TMOD1: variants seen among roughly 807,000 people sequenced by gnomAD.
TMOD1 encodes tropomodulin 1.
In TMOD1, 17 loss-of-function variants were observed where a neutral mutation model predicts 40.6. The ratio of observed to expected loss-of-function variants is 0.42; its 90% CI spans 0.29 to 0.63. The LOEUF (loss-of-function observed/expected upper bound fraction) is 0.63, where lower values mean the gene tolerates loss of function less well. Among genes scored for constraint, TMOD1 ranks in the 20% least tolerant of loss-of-function variants. TMOD1 has a pLI of 0.22. For synonymous variants in TMOD1, 181 were observed against 175.0 expected, an observed-to-expected ratio of 1.03 and a Z score of -0.27; for missense variants, 391 against 447.6, an observed-to-expected ratio of 0.87 and a Z score of 1.14.
intron 1 of TMOD1, among the ~76,000 whole-genome samples, chr9:97,520,855 T>C (rs1265070627): frequency 6.6e-6 from 1 of 152,166 alleles, no homozygotes; most frequent in Non-Finnish European, 1.5e-5. Context: ...AGTTGCCACC[T>C]CCTTTCCTTT....
intron 3 of TMOD1, among the ~76,000 whole-genome samples, chr9:97,547,091 G>A (rs189127869): frequency 9.2e-5 from 14 of 151,776 alleles, no homozygotes; most frequent in South Asian, 2.1e-4. Context: ...CCCTTCCTTC[G>A]TCTGTCCCAT....
chr9:97,546,612 T>C (rs1465290107), intron 3 of TMOD1, among the ~76,000 whole-genome samples: 1 of 152,212 alleles, frequency 6.6e-6, no homozygotes, highest in Non-Finnish European at 1.5e-5. Flanking sequence ...TAGGATGTCC[T>C]GATTATTTTT....
chr9:97,601,105 A>C lies in TMOD1; in HGVS notation c.*1407A>C. On this transcript the variant is annotated 3_prime_UTR_variant, in exon 10 of 10. Coordinates refer to ENST00000259365, the MANE Select transcript of TMOD1 (RefSeq NM_003275.4). ...GGGGCCAGGGCCTCAGCGCTATGGA[A>C]GAGTGTCCACTGAGGCTGCACATGG... 1 of 1,304,304 alleles carries C rather than the reference A, an allele frequency of 7.7e-7. No individual in the cohort carries two copies. Among genetic ancestry groups the C allele is most frequent in the Non-Finnish European group, 1.0e-6 (1 of 988,954 alleles). 80.8% of individuals were successfully genotyped at this position (1,304,304 alleles called of 1,614,324 possible). A position where few individuals can be genotyped will look rare whatever the true frequency, so the allele number is the denominator to read the frequency against.
At chr9:97,572,808 G>A (rs1830842520) in intron 8 of TMOD1, among the ~76,000 whole-genome samples, 1 of 152,172 alleles carries the variant, frequency 6.6e-6, no homozygotes, top group South Asian at 2.1e-4. Flanking sequence ...AGGGTGACAC[G>A]GAGCTGGCTC....
At position 97,511,070 on chromosome 9, in the gene TMOD1, G is replaced by GCACACACACACACAGA. The variant is rs1554752893; in HGVS notation, c.-49+9282_-49+9297dup. 9.5e-5 allele frequency among the ~76,000 whole-genome samples: 14 copies of GCACACACACACACAGA among 147,324 alleles called. No homozygotes were observed. The East Asian group carries it at 1.8e-3, about 19-fold the overall frequency. On this transcript the variant is annotated intron_variant, in intron 1 of 9. Transcript: ENST00000259365. The stretch of plus-strand genomic sequence containing the variant: ...AAAATGAAAACATGCACCCGCGCGC[G>GCACACACACACACAGA]CACACACACACACAGACACACACAC...
At chr9:97,582,584 C>T (rs1365096659) in intron 8 of TMOD1, among the ~76,000 whole-genome samples, 2 of 128,610 alleles carry the variant, frequency 1.6e-5, no homozygotes, top group Non-Finnish European at 3.2e-5. Flanking sequence ...TGTAAATTAC[C>T]TTGGGCAGTA....
At chr9:97,508,092 CACACACACACACA>C (rs1829622617) in intron 1 of TMOD1, among the ~76,000 whole-genome samples, 2 of 147,804 alleles carry the variant, frequency 1.4e-5, no homozygotes, top group African/African-American at 5.1e-5. Context: ...CACACACACA[CACACACACACACA>C]GACTCTGGAG....
At chr9:97,520,321 C>T (rs1829894790) in intron 1 of TMOD1, among the ~76,000 whole-genome samples, 1 of 152,196 alleles carries the variant, frequency 6.6e-6, no homozygotes, top group Admixed American at 6.5e-5. Flanking sequence ...ATCCCTGACA[C>T]CTCTTCTCTT....
intron 2 of TMOD1, among the ~76,000 whole-genome samples, chr9:97,544,846 A>T (rs151091153): frequency 6.6e-6 from 1 of 151,996 alleles, no homozygotes; most frequent in Non-Finnish European, 1.5e-5. Flanking sequence ...TGTCTCTATT[A>T]AAAATACAAA....
chr9:97,553,663 G>A (rs756207123), intron 4 of TMOD1, among the ~76,000 whole-genome samples: 2 of 152,150 alleles, frequency 1.3e-5, no homozygotes, highest in African/African-American at 2.4e-5. Flanking sequence ...GTGTATCTCA[G>A]GGAGAGCCCA....
intron 1 of TMOD1, among the ~76,000 whole-genome samples, chr9:97,510,475 C>T (rs1024836054): frequency 6.6e-6 from 1 of 152,220 alleles, no homozygotes; most frequent in African/African-American, 2.4e-5. Context: ...AGGGGATCCA[C>T]CCACGTCAGC....
In TMOD1 at chr9:97,599,672, A is replaced by G. The variant is rs746721116; in HGVS notation, c.1054A>G (p.Ile352Val). ...RRLADLTGPIIPKCRSGV is the reference protein window; with the variant it reads ...RRLADLTGPIVPKCRSGV ...GCTTGCGGACCTGACTGGGCCCATC[A>G]TTCCCAAGTGCCGGAGTGGTGTCTA... Residue 352 changes from isoleucine (I) to valine (V), a missense_variant, in exon 10 of 10, where the codon ATT becomes GTT. Ile to Val is a conservative substitution (Grantham distance 29, BLOSUM62 3). Coordinates refer to ENST00000259365, the MANE Select transcript of TMOD1 (RefSeq NM_003275.4). The G allele has an allele frequency of 9.9e-6, 16 of 1,614,148 alleles. No individual in the cohort carries two copies. The highest frequency in any genetic ancestry group is 1.7e-5 in the Admixed American group (1 of 60,018).
At chr9:97,562,673 C>T (rs1397813680) in intron 4 of TMOD1, 59 bp from the exon 5 acceptor site, 4 of 1,301,842 alleles carry the variant, frequency 3.1e-6, no homozygotes, top group Middle Eastern at 2.0e-4. Context: ...GAGTGTGGGT[C>T]CCTAGGAGGC....
At chr9:97,588,408 A>T (rs1271731728) in intron 8 of TMOD1, among the ~76,000 whole-genome samples, 3 of 152,178 alleles carry the variant, frequency 2.0e-5, no homozygotes, top group African/African-American at 7.2e-5. Flanking sequence ...TGTCTATTCA[A>T]ATCCTTTGCT....
intron 1 of TMOD1, among the ~76,000 whole-genome samples, chr9:97,519,970 C>T (rs1829889973): frequency 6.6e-6 from 1 of 152,090 alleles, no homozygotes; most frequent in Non-Finnish European, 1.5e-5. Context: ...GTACGGTTAG[C>T]CTCTCACTAT....
chr9:97,526,418 G>A (rs1237380169), intron 2 of TMOD1, among the ~76,000 whole-genome samples: 3 of 152,164 alleles, frequency 2.0e-5, no homozygotes, highest in Admixed American at 6.5e-5. Flanking sequence ...AGAGGGGTTC[G>A]TAGGTGGCCT....
chr9:97,546,240 C>T lies in TMOD1; in HGVS notation c.176C>T (p.Thr59Met), dbSNP rs534015511. 2.5e-5 allele frequency: 41 copies of T among 1,613,964 alleles called. No homozygotes were observed. In the East Asian group the frequency reaches 5.3e-4, roughly 21 times the overall value. ...AAGGATCAGACCACCAAGGCGCCCA[C>T]GGGCCCCTTTAAAAGAGAGGAGCTC... is the stretch of plus-strand genomic sequence containing the variant. ...RQKDQTTKAP[T>M]GPFKREELLD... is the part of the protein sequence containing the mutation. Residue 59 changes from threonine (T) to methionine (M), a missense_variant, in exon 3 of 10, where the codon ACG becomes ATG. Transcript: ENST00000259365.
chr9:97,569,899 G>A (rs1830792897), intron 8 of TMOD1, among the ~76,000 whole-genome samples: 1 of 151,888 alleles, frequency 6.6e-6, no homozygotes, highest in Non-Finnish European at 1.5e-5. Flanking sequence ...ACTGCAGCAT[G>A]TTGCTTTTGA....
At chr9:97,550,839 T>A (rs1056282365) in intron 3 of TMOD1, among the ~76,000 whole-genome samples, 7 of 151,904 alleles carry the variant, frequency 4.6e-5, no homozygotes, top group African/African-American at 1.7e-4. Context: ...AATTTCTTGA[T>A]AGTATCCTTA....
Sources: gnomAD v4.1 joint callset for allele counts (sites outside exome capture counted in the v4.1 genomes callset) on GRCh38, gnomAD v4.1.1 for gene constraint, MANE v1.5 for transcripts, NCBI Gene and HGNC (gene_info 2026-07-23, HGNC 2026-07-21) for gene names.